The following GPBP1L1 variants were observed in gnomAD, a reference collection of about 807,000 sequenced individuals.
The protein encoded by GPBP1L1 is vasculin-like protein 1.
Under a neutral mutation model 52.5 loss-of-function variants are expected in GPBP1L1, and 23 were observed. The ratio of observed to expected loss-of-function variants is 0.44; its 90% CI spans 0.32 to 0.62. The LOEUF is 0.62. GPBP1L1 is among the 20% of genes least tolerant of loss of function. GPBP1L1 has a pLI of 0.06. For synonymous variants in GPBP1L1, 243 were observed against 203.1 expected, an observed-to-expected ratio of 1.20 and a Z score of -1.67; for missense variants, 596 against 579.3, an observed-to-expected ratio of 1.03 and a Z score of -0.30.
chr1:45,636,015 ACAT>A (rs1309461704), intron 8 of GPBP1L1, among the ~76,000 whole-genome samples: 1 of 152,182 alleles, frequency 6.6e-6, no homozygotes, highest in African/African-American at 2.4e-5. Flanking sequence ...AAGTCAGTAT[ACAT>A]TATCTTTCAC....
At chr1:45,629,724 G>T in intron 11 of GPBP1L1, 46 bp from the exon 12 acceptor site, 1 of 1,232,086 alleles carries the variant, frequency 8.1e-7, no homozygotes, top group Non-Finnish European at 1.2e-6. Context: ...ACATCACTAA[G>T]CCTAAGTGAA....
At chr1:45,684,416 T>C (rs996905189) in intron 2 of GPBP1L1, among the ~76,000 whole-genome samples, 2 of 152,110 alleles carry the variant, frequency 1.3e-5, no homozygotes, top group African/African-American at 4.8e-5. Context: ...CACGATTGTG[T>C]CTTATCTTTA....
At chr1:45,676,876 C>G (rs944007784) in intron 2 of GPBP1L1, among the ~76,000 whole-genome samples, 3 of 149,080 alleles carry the variant, frequency 2.0e-5, no homozygotes, top group Non-Finnish European at 4.5e-5. Context: ...GAGACCCTGT[C>G]TCAAAACAGC....
chr1:45,670,066 G>A (rs1289053073), intron 2 of GPBP1L1, among the ~76,000 whole-genome samples: 1 of 152,184 alleles, frequency 6.6e-6, no homozygotes, highest in African/African-American at 2.4e-5. Flanking sequence ...ACTTCACAAG[G>A]TAATGTCATA....
At chr1:45,640,098 G>T in intron 8 of GPBP1L1, 112 bp downstream of exon 8, 1 of 759,414 alleles carries the variant, frequency 1.3e-6, no homozygotes, top group Non-Finnish European at 2.2e-6. Flanking sequence ...AACAGGTACT[G>T]AAAGAATATC....
At chr1:45,673,836 G>GA (rs1645105599) in intron 2 of GPBP1L1, among the ~76,000 whole-genome samples, 1 of 152,112 alleles carries the variant, frequency 6.6e-6, no homozygotes, top group Non-Finnish European at 1.5e-5. Flanking sequence ...TCCAGGCCAG[G>GA]CAACAGAGCA....
At chr1:45,671,770 G>A (rs1195219527) in intron 2 of GPBP1L1, among the ~76,000 whole-genome samples, 3 of 152,146 alleles carry the variant, frequency 2.0e-5, no homozygotes, top group African/African-American at 4.8e-5. Context: ...GCCGCAGTGA[G>A]CAGAGATGGC....
chr1:45,647,790 C>T (rs1316604344), intron 6 of GPBP1L1, among the ~76,000 whole-genome samples: 1 of 152,184 alleles, frequency 6.6e-6, no homozygotes, highest in African/African-American at 2.4e-5. Context: ...CTCTGCCATT[C>T]AGTGAGCCAC....
intron 7 of GPBP1L1, among the ~76,000 whole-genome samples, chr1:45,640,947 C>T (rs571264533): frequency 6.6e-6 from 1 of 151,768 alleles, no homozygotes; most frequent in Admixed American, 6.6e-5. Flanking sequence ...GAGCCCAGGT[C>T]GAGGCTGCAG....
intron 2 of GPBP1L1, among the ~76,000 whole-genome samples, chr1:45,680,679 C>T (rs1645202236): frequency 6.6e-6 from 1 of 152,088 alleles, no homozygotes; most frequent in South Asian, 2.1e-4. Flanking sequence ...CTGTCACACA[C>T]TAGCTGTGTG....
Position 45,654,257 on chromosome 1 carries a change from T to G in GPBP1L1, c.477+286A>C, listed in dbSNP as rs572525356. ...GACAATTTAACATGCAAGAGTACAT[T>G]TTAACATAATTATATTTGAGTAAAC... On this transcript the variant is annotated intron_variant, in intron 6 of 12. Transcript: ENST00000355105. The G allele has an allele frequency of 2.9e-5, 7 of 244,404 alleles. No individual in the cohort carries two copies. In the East Asian group the frequency reaches 3.6e-4, roughly 12 times the overall value. The allele number at this position is 244,404 out of a possible 1,614,324, so 15.1% of individuals were successfully genotyped here.
intron 2 of GPBP1L1, among the ~76,000 whole-genome samples, chr1:45,670,598 T>G (rs1645062222): frequency 1.3e-5 from 2 of 152,182 alleles, no homozygotes; most frequent in Non-Finnish European, 2.9e-5. Flanking sequence ...AAATGATTTG[T>G]ATACGGTATG....
chr1:45,666,349 T>C (rs1645011224), intron 2 of GPBP1L1, among the ~76,000 whole-genome samples: 1 of 152,148 alleles, frequency 6.6e-6, no homozygotes, highest in African/African-American at 2.4e-5. Flanking sequence ...TTTCACCATA[T>C]TGGTCAGGTT....
intron 6 of GPBP1L1, among the ~76,000 whole-genome samples, chr1:45,652,878 A>G (rs1201523910): frequency 1.3e-5 from 2 of 152,142 alleles, no homozygotes; most frequent in Non-Finnish European, 2.9e-5. Context: ...GTAATGAGCA[A>G]CATACATTGT....
In GPBP1L1 at chr1:45,661,001, G is replaced by A. The variant is rs1163406901; in HGVS notation, c.-873C>T. ...AGTTAAAACATTAGAACGATGGGTA[G>A]GATGGATATTAAGAAATAGTCAAGG... On this transcript the variant is annotated 5_prime_UTR_variant, in exon 3 of 13. Transcript: ENST00000355105. 6.6e-6 allele frequency: 1 copy of A among 152,170 alleles called. No homozygotes were observed. The highest frequency in any genetic ancestry group is 2.4e-5 in the African/African-American group (1 of 41,424). 9.4% of individuals were successfully genotyped at this position (152,170 alleles called of 1,614,324 possible).
At chr1:45,676,520 C>T (rs1021515186) in intron 2 of GPBP1L1, among the ~76,000 whole-genome samples, 5 of 151,698 alleles carry the variant, frequency 3.3e-5, no homozygotes, top group African/African-American at 9.7e-5. Flanking sequence ...ACCATCCTGG[C>T]TAACATGGTG....
intron 8 of GPBP1L1, among the ~76,000 whole-genome samples, chr1:45,637,581 G>A (rs1481149181): frequency 7.5e-6 from 1 of 132,508 alleles, no homozygotes; most frequent in African/African-American, 2.7e-5. Context: ...TCACAACAGG[G>A]CTAAAGTGAT....
intron 2 of GPBP1L1, among the ~76,000 whole-genome samples, chr1:45,672,287 G>A (rs970315233): frequency 6.6e-6 from 1 of 151,668 alleles, no homozygotes; most frequent in Middle Eastern, 3.2e-3. Context: ...ACTTGAATCC[G>A]GGAGGCGGAG....
intron 6 of GPBP1L1, among the ~76,000 whole-genome samples, chr1:45,652,464 C>T (rs1644829960): frequency 6.6e-6 from 1 of 152,154 alleles, no homozygotes; most frequent in Admixed American, 6.5e-5. Flanking sequence ...ATTACTTCTA[C>T]TTTACTCCAC....
Sources: allele counts gnomAD v4.1 joint callset (sites outside exome capture counted in the v4.1 genomes callset), GRCh38; gene constraint gnomAD v4.1.1; transcripts MANE v1.5; gene names NCBI Gene and HGNC (gene_info 2026-07-23, HGNC 2026-07-21).